Variants in ULK2 observed in about 807,000 individuals in gnomAD.
ULK2 encodes unc-51 like autophagy activating kinase 2, also known as serine/threonine-protein kinase ULK2.
ULK2 carries 76 observed loss-of-function variants against 127.5 expected under a neutral mutation model. The observed-to-expected ratio is 0.60, with a 90% CI of 0.50 to 0.72. ULK2 has a LOEUF of 0.72. ULK2 is among the 30% of genes least tolerant of loss of function. The pLI is 0.00. For missense variants in ULK2, 1,144 were observed against 1,295.9 expected (o/e 0.88, Z 1.80); for synonymous variants, 452 against 461.9 (o/e 0.98, Z 0.28).
chr17:19,790,316 C>G (rs2087124625), intron 20 of ULK2, among the ~76,000 whole-genome samples: 1 of 152,140 alleles, frequency 6.6e-6, no homozygotes, highest in Admixed American at 6.5e-5. Context: ...ACTTGGGAAG[C>G]TGAGGCAGGA....
intron 10 of ULK2, among the ~76,000 whole-genome samples, chr17:19,827,681 G>T (rs1212697046): frequency 2.0e-5 from 3 of 152,146 alleles, no homozygotes; most frequent in Non-Finnish European, 4.4e-5. Context: ...GGAGGCAGAG[G>T]TAGGTAGATC....
intron 10 of ULK2, among the ~76,000 whole-genome samples, chr17:19,830,635 A>C (rs1022632473): frequency 1.3e-5 from 2 of 152,024 alleles, no homozygotes; most frequent in Non-Finnish European, 2.9e-5. Flanking sequence ...AAAAAAAAAA[A>C]AAACTAGAAA....
intron 12 of ULK2, among the ~76,000 whole-genome samples, chr17:19,818,240 G>A (rs1398991926): frequency 1.3e-5 from 2 of 151,112 alleles, no homozygotes; most frequent in Non-Finnish European, 2.9e-5. Flanking sequence ...GGAGAATGGT[G>A]TAAACCCGGT....
chr17:19,857,804 C>T (rs555672277), intron 3 of ULK2, among the ~76,000 whole-genome samples: 1 of 152,298 alleles, frequency 6.6e-6, no homozygotes, highest in South Asian at 2.1e-4. Context: ...CTGCTAACCT[C>T]TCCAGTATCA....
In ULK2 at chr17:19,782,047, T is replaced by C. The variant is rs1178997299; in HGVS notation, c.2481A>G (p.Leu827=). The part of the protein sequence containing the change: ...TLMEREHTDT[L]RHLNVMLMFT... The stretch of plus-strand genomic sequence containing the variant: ...ACATCAGCATCACATTCAGATGGCG[T>C]AAGGTGTCTGTGTGTTCCCGCTGCA... Residue 827 remains leucine, a synonymous_variant, in exon 23 of 27, where the codon TTA becomes TTG. Transcript: ENST00000395544. 1 of 1,614,070 alleles carries C rather than the reference T, an allele frequency of 6.2e-7. No individual in the cohort carries two copies. The highest frequency in any genetic ancestry group is 2.2e-5 in the East Asian group (1 of 44,892).
intron 12 of ULK2, among the ~76,000 whole-genome samples, chr17:19,823,156 G>A (rs2041203592): frequency 7.6e-6 from 1 of 131,806 alleles, no homozygotes. Context: ...AGTAGAGATG[G>A]GTGGTCTTGA....
intron 3 of ULK2, among the ~76,000 whole-genome samples, chr17:19,862,367 T>C (rs2152403318): frequency 6.6e-6 from 1 of 152,164 alleles, no homozygotes; most frequent in South Asian, 2.1e-4. Context: ...AAAGTGTGGA[T>C]TACAGGCATG....
intron 22 of ULK2, 138 bp from the exon 23 acceptor site, chr17:19,782,205 T>A: frequency 1.0e-6 from 1 of 971,360 alleles, no homozygotes; most frequent in Non-Finnish European, 1.5e-6. Context: ...TTGAAATTTT[T>A]AAATTTCAGA....
At chr17:19,815,248 TTTTTTTTGTTTG>T (rs1013660732) in intron 13 of ULK2, among the ~76,000 whole-genome samples, 4 of 149,268 alleles carry the variant, frequency 2.7e-5, no homozygotes, top group East Asian at 2.4e-4. Flanking sequence ...TTAACAGCAT[TTTTTTTTGTTTG>T]TTTTTTTGTT....
intron 3 of ULK2, among the ~76,000 whole-genome samples, chr17:19,864,173 G>T (rs2042305020): frequency 6.6e-6 from 1 of 152,078 alleles, no homozygotes; most frequent in Admixed American, 6.6e-5. Flanking sequence ...TTTAAAAAAA[G>T]AACTTCTATT....
chr17:19,792,642 G>A (rs899200820), intron 20 of ULK2, among the ~76,000 whole-genome samples: 2 of 151,814 alleles, frequency 1.3e-5, no homozygotes, highest in East Asian at 1.9e-4. Context: ...CCAAAAACCC[G>A]GCCAGTCTCT....
At chr17:19,780,761 GGATT>G in intron 24 of ULK2, 132 bp from the exon 25 acceptor site, 4 of 1,119,502 alleles carry the variant, frequency 3.6e-6, no homozygotes, top group Non-Finnish European at 4.9e-6. Context: ...ACCAGAAATA[GGATT>G]TTTTCATGTT....
At position 19,816,744 on chromosome 17, in the gene ULK2, C is replaced by G; in HGVS notation, c.1096+5G>C. 1 of 1,556,204 alleles carries G rather than the reference C, an allele frequency of 6.4e-7. No individual in the cohort carries two copies. Among genetic ancestry groups the G allele is most frequent in the Non-Finnish European group, 8.6e-7 (1 of 1,158,552 alleles). ...ACAATGTGTACAAGTAGAAAAGATT[C>G]TCACATGAGTGGTCTGACGAGATGT... is the stretch of plus-strand genomic sequence containing the variant. On this transcript the variant is annotated splice_donor_5th_base_variant and intron_variant, in intron 13 of 26. Coordinates refer to ENST00000395544, the MANE Select transcript of ULK2 (RefSeq NM_014683.4).
intron 14 of ULK2, 135 bp downstream of exon 14, chr17:19,810,229 CAAAAAAAAAAAAAA>C (rs199922634): frequency 0.078 from 26,872 of 346,598 alleles, 48 homozygotes; most frequent in South Asian, 0.11. Flanking sequence ...GACTCCATCT[CAAAAAAAAAAAAAA>C]AAAAAAAAAA....
Position 19,787,484 on chromosome 17 carries a change from G to A in ULK2, c.2102-1398C>T, listed in dbSNP as rs548676337. ...TATTTGATAATAAGAACATAAAGGA[G>A]TCAGATGGGAGTAAAACTATATTAG... On this transcript the variant is annotated intron_variant, in intron 20 of 26. Coordinates refer to ENST00000395544, the MANE Select transcript of ULK2 (RefSeq NM_014683.4). Among the ~76,000 whole-genome samples, 5 of 152,328 alleles carry A rather than the reference G, an allele frequency of 3.3e-5. No homozygotes were observed. In the East Asian group the frequency reaches 9.6e-4, roughly 29 times the overall value.
chr17:19,832,442 T>C (rs994594845), intron 10 of ULK2, among the ~76,000 whole-genome samples: 1 of 151,994 alleles, frequency 6.6e-6, no homozygotes, highest in Non-Finnish European at 1.5e-5. Flanking sequence ...AATTTTTGTA[T>C]TTTTAGTAGA....
At chr17:19,785,194 T>TA (rs899383808) in intron 21 of ULK2, among the ~76,000 whole-genome samples, 87 of 151,684 alleles carry the variant, frequency 5.7e-4, no homozygotes, top group African/African-American at 1.4e-3. Context: ...TACAAAAAAT[T>TA]AAAAATAAAT....
intron 13 of ULK2, among the ~76,000 whole-genome samples, chr17:19,815,752 C>G (rs1278528153): frequency 2.6e-5 from 4 of 151,994 alleles, no homozygotes; most frequent in South Asian, 2.1e-4. Context: ...ATAAATAAAA[C>G]CACTTGACTA....
At position 19,840,100 on chromosome 17, in the gene ULK2, G is replaced by A. The variant is rs945097832; in HGVS notation, c.704+1389C>T. ...GGCATTTAAAAGCATACAGTGGCAG[G>A]TGCAGTTGAGCTCTGGGTCACCAAG... On this transcript the variant is annotated intron_variant, in intron 9 of 26. Coordinates refer to ENST00000395544, the MANE Select transcript of ULK2 (RefSeq NM_014683.4). The A allele has an allele frequency of 3.3e-5, 12 of 363,172 alleles. No individual in the cohort carries two copies. The Admixed American group carries it at 3.9e-4, about 12-fold the overall frequency. 22.5% of individuals were successfully genotyped at this position (363,172 alleles called of 1,614,324 possible).
Sources: allele counts gnomAD v4.1 joint callset (sites outside exome capture counted in the v4.1 genomes callset), GRCh38; gene constraint gnomAD v4.1.1; transcripts MANE v1.5; gene names NCBI Gene and HGNC (gene_info 2026-07-23, HGNC 2026-07-21).